HSPA12B: variants seen among roughly 807,000 people sequenced by gnomAD.
HSPA12B encodes heat shock protein family A (Hsp70) member 12B.
A neutral mutation model predicts 69.3 loss-of-function variants in HSPA12B; 54 were observed. That is an observed-to-expected ratio of 0.78 (90% CI 0.63 to 0.98). HSPA12B has a LOEUF of 0.98. HSPA12B is among the 50% of genes least tolerant of loss of function. HSPA12B has a pLI of 0.00. For missense variants in HSPA12B, 929 were observed against 999.8 expected (o/e 0.93, Z 0.96); for synonymous variants, 441 against 436.5 (o/e 1.01, Z -0.13).
rs2088190992 is a variant in HSPA12B at position 3,740,966 on chromosome 20, TC to T, written c.141+55del. 1 of 1,473,522 alleles carries T rather than the reference TC, an allele frequency of 6.8e-7. No individual in the cohort carries two copies. The allele number at this position is 1,473,522 out of a possible 1,614,324, so 91.3% of individuals were successfully genotyped here. A position where few individuals can be genotyped will look rare whatever the true frequency, so the allele number is the denominator to read the frequency against. On this transcript the variant is annotated intron_variant, in intron 3 of 12. Coordinates refer to ENST00000254963, the MANE Select transcript of HSPA12B (RefSeq NM_052970.5). The surrounding 1 kb of genome is among the most constrained non-coding windows in gnomAD (Gnocchi z 4.9). ...GGTGACCTGGCTGGTGTGGACAGGG[TC>T]GTGCGTGGCAAAGTCATGACAGGGC...
chr20:3,740,767 A>G lies in HSPA12B; in HGVS notation c.44-48A>G. The G allele has an allele frequency of 3.9e-6, 6 of 1,552,842 alleles. No individual in the cohort carries two copies. Among genetic ancestry groups the G allele is most frequent in the Non-Finnish European group, 5.3e-6 (6 of 1,132,684 alleles). On this transcript the variant is annotated intron_variant, in intron 2 of 12. Transcript: ENST00000254963. The surrounding 1 kb of genome is among the most constrained non-coding windows in gnomAD (Gnocchi z 4.9). ...GTGCCTGGCTTGGGGCCCCGCTGCCATACCTACCCTGCTTGTGCCAGGATG... is the reference window on the plus strand; with the variant it reads ...GTGCCTGGCTTGGGGCCCCGCTGCCGTACCTACCCTGCTTGTGCCAGGATG...
At position 3,745,543 on chromosome 20, in the gene HSPA12B, C is replaced by G; in HGVS notation, c.504C>G (p.Pro168=). 6.2e-7 allele frequency: 1 copy of G among 1,614,140 alleles called. No individual in the cohort carries two copies. Among genetic ancestry groups the G allele is most frequent in the Non-Finnish European group, 8.5e-7 (1 of 1,180,018 alleles). ...AGGCAGTAAATGGAAAGACGATGCCCGCCCTGGAGGTGTTCGCCCATGCCC... is the reference window on the plus strand; with the variant it reads ...AGGCAGTAAATGGAAAGACGATGCCGGCCCTGGAGGTGTTCGCCCATGCCC... The part of the protein sequence containing the change: ...QLEAVNGKTM[P]ALEVFAHALR... Residue 168 remains proline (P), a synonymous_variant, in exon 6 of 13, where the codon CCC becomes CCG. Coordinates refer to ENST00000254963, the MANE Select transcript of HSPA12B (RefSeq NM_052970.5). The surrounding 1 kb of genome is among the most constrained non-coding windows in gnomAD (Gnocchi z 5.6).
Position 3,749,037 on chromosome 20 carries a change from T to TC in HSPA12B, c.851-191dup, listed in dbSNP as rs2088360090. ...GGAAGGCCCTGTGTCCATAAATATT[T>TC]CCCCACAGCTGTTGGATACAGGGTG... On this transcript the variant is annotated intron_variant, in intron 8 of 12. Coordinates refer to ENST00000254963, the MANE Select transcript of HSPA12B (RefSeq NM_052970.5). This position sits in a 1 kb window ranked among gnomAD's most constrained non-coding sequence, Gnocchi z 5.5. Among the ~76,000 whole-genome samples, 1 of 152,138 alleles carries TC rather than the reference T, an allele frequency of 6.6e-6. No individual in the cohort carries two copies. The highest frequency in any genetic ancestry group is 1.9e-4 in the East Asian group (1 of 5,188).
intron 1 of HSPA12B, among the ~76,000 whole-genome samples, chr20:3,735,146 C>T (rs1192266402): frequency 6.6e-6 from 1 of 152,188 alleles, no homozygotes; most frequent in Non-Finnish European, 1.5e-5. Flanking sequence ...TCAGAATCTG[C>T]ATCATGAAGG....
Position 3,751,986 on chromosome 20 carries a change from C to T in HSPA12B, c.1881C>T (p.Cys627=), listed in dbSNP as rs541760. 0.59 allele frequency: 922,689 copies of T among 1,569,860 alleles called. 272,247 individuals are homozygous for T. The highest frequency in any genetic ancestry group is 0.66 in the Admixed American group (36,798 of 55,924). Reference sequence around the variant, plus strand: ...TCACCGACCCCGGCGTGCGCAAATGCGGCGCGCTCAGCCTCGAGCTTGAGC... The same window carrying T: ...TCACCGACCCCGGCGTGCGCAAATGTGGCGCGCTCAGCCTCGAGCTTGAGC... ...RFITDPGVRK[C]GALSLELEPA... The change falls in exon 13 of 13, where the codon TGC becomes TGT. Residue 627 remains cysteine, a synonymous_variant. Coordinates refer to ENST00000254963, the MANE Select transcript of HSPA12B (RefSeq NM_052970.5).
At chr20:3,736,233 C>T (rs2088106946) in intron 1 of HSPA12B, among the ~76,000 whole-genome samples, 6 of 152,226 alleles carry the variant, frequency 3.9e-5, no homozygotes, top group African/African-American at 1.2e-4. Context: ...ACCCTCCCCT[C>T]CCCCTCTCTG....
In HSPA12B at chr20:3,737,057, AAAATAAAT is replaced by A. The variant is rs11470713; in HGVS notation, c.-17-1559_-17-1552del. Among the ~76,000 whole-genome samples, 3,403 of 146,304 alleles carry A rather than the reference AAAATAAAT, an allele frequency of 0.023. 61 individuals are homozygous for A. Among genetic ancestry groups the A allele is most frequent in the Middle Eastern group, 0.035 (10 of 288 alleles). ...GGGGACAGAGTGAGACTCTGCCTCA[AAAATAAAT>A]AAATAAATAAATAAATAAATAAATA... On this transcript the variant is annotated intron_variant, in intron 1 of 12. Transcript: ENST00000254963. The surrounding 1 kb of genome is among the most constrained non-coding windows in gnomAD (Gnocchi z 4.1).
At chr20:3,746,295 G>T (rs1220501814) in intron 7 of HSPA12B, among the ~76,000 whole-genome samples, 1 of 132,154 alleles carries the variant, frequency 7.6e-6, no homozygotes, top group East Asian at 2.5e-4. Context: ...GCCCAAGATG[G>T]AGAGTCTTTT....
chr20:3,738,803 C>T (rs6116011), intron 2 of HSPA12B, 86 bp downstream of exon 2: 1 of 1,397,658 alleles, frequency 7.2e-7, no homozygotes, highest in Non-Finnish European at 1.0e-6. Context: ...TGCAATGTAC[C>T]TCTCCCACAG....
rs556881154 is a variant in HSPA12B at position 3,744,858 on chromosome 20, A to G, written c.267-44A>G. ...TGCTGTTCCCTCTGCCTGGATTCCC[A>G]CCCAAGAAGGGAGGGTTGCACTGAC... On this transcript the variant is annotated intron_variant, in intron 4 of 12. Transcript: ENST00000254963. The surrounding 1 kb of genome is among the most constrained non-coding windows in gnomAD (Gnocchi z 4.9). 6.3e-7 allele frequency: 1 copy of G among 1,575,152 alleles called. No individual in the cohort carries two copies. Among genetic ancestry groups the G allele is most frequent in the Admixed American group, 1.7e-5 (1 of 57,762 alleles).
In HSPA12B at chr20:3,751,701, C is replaced by T; in HGVS notation, c.1596C>T (p.Gly532=). ...CGGTGCTGTTCGGCCAGGCGCCGGG[C>T]GTGGTGCGGGTCCGCCGCTCGCCGC... ...KGAVLFGQAP[G]VVRVRRSPLT... Residue 532 remains glycine (G), a synonymous_variant, in exon 13 of 13, where the codon GGC becomes GGT. Transcript: ENST00000254963. 1 of 1,483,718 alleles carries T rather than the reference C, an allele frequency of 6.7e-7. No individual in the cohort carries two copies. The highest frequency in any genetic ancestry group is 8.9e-7 in the Non-Finnish European group (1 of 1,120,894). 91.9% of individuals were successfully genotyped at this position (1,483,718 alleles called of 1,614,324 possible).
At position 3,740,841 on chromosome 20, in the gene HSPA12B, C is replaced by A. The variant is rs142216650; in HGVS notation, c.70C>A (p.Pro24Thr). 2 of 1,613,722 alleles carry A rather than the reference C, an allele frequency of 1.2e-6. No individual in the cohort carries two copies. Among genetic ancestry groups the A allele is most frequent in the African/African-American group, 1.3e-5 (1 of 74,920 alleles). Residue 24 changes from proline (P) to threonine (T), a missense_variant, in exon 3 of 13, where the codon CCT (proline) becomes ACT (threonine). Transcript: ENST00000254963. This position sits in a 1 kb window ranked among gnomAD's most constrained non-coding sequence, Gnocchi z 4.9. ...IGSSPERSPV[P>T]SPPGSPRTQE... ...CTCCAGCCCGGAGCGGTCCCCAGTG[C>A]CTAGCCCACCCGGCTCCCCGAGGAC...
At chr20:3,741,565 G>A (rs892673501) in intron 3 of HSPA12B, among the ~76,000 whole-genome samples, 16 of 152,126 alleles carry the variant, frequency 1.1e-4, no homozygotes, top group African/African-American at 1.9e-4. Flanking sequence ...CCTGGGAAGC[G>A]GAGGTTGCAG....
At position 3,744,975 on chromosome 20, in the gene HSPA12B, G is replaced by A. The variant is rs2088269498; in HGVS notation, c.340G>A (p.Ala114Thr). The A allele has an allele frequency of 6.2e-7, 1 of 1,613,798 alleles. No homozygotes were observed. Among genetic ancestry groups the A allele is most frequent in the African/African-American group, 1.3e-5 (1 of 74,936 alleles). ...CTGCCTGCTGCTGACTCCGGAGGGC[G>A]CCTTCCACAGCTTTGGCTACACCGC... ...PTCLLLTPEGAFHSFGYTARD... is the reference protein window; with the variant it reads ...PTCLLLTPEGTFHSFGYTARD... The change falls in exon 5 of 13, where the codon GCC becomes ACC. Residue 114 changes from alanine to threonine, a missense_variant. Coordinates refer to ENST00000254963, the MANE Select transcript of HSPA12B (RefSeq NM_052970.5). This position sits in a 1 kb window ranked among gnomAD's most constrained non-coding sequence, Gnocchi z 4.9.
Position 3,751,876 on chromosome 20 carries a change from C to T in HSPA12B, c.1771C>T (p.Arg591Trp). The T allele has an allele frequency of 6.4e-7, 1 of 1,561,078 alleles. No homozygotes were observed. The highest frequency in any genetic ancestry group is 1.2e-5 in the South Asian group (1 of 86,012). ...EQSVALGEEV[R>W]RSYCPARPGQ... ...GTCGGTGGCCCTGGGCGAGGAGGTGCGGCGCAGCTACTGCCCGGCGCGTCC... is the reference window on the plus strand; with the variant it reads ...GTCGGTGGCCCTGGGCGAGGAGGTGTGGCGCAGCTACTGCCCGGCGCGTCC... Residue 591 changes from arginine to tryptophan, a missense_variant, in exon 13 of 13, where the codon CGG (arginine) becomes TGG (tryptophan). By Grantham distance (101) the Arg-to-Trp change is moderately radical. Coordinates refer to ENST00000254963, the MANE Select transcript of HSPA12B (RefSeq NM_052970.5).
At position 3,744,167 on chromosome 20, in the gene HSPA12B, G is replaced by A. The variant is rs2088256044; in HGVS notation, c.267-735G>A. On this transcript the variant is annotated intron_variant, in intron 4 of 12. Coordinates refer to ENST00000254963, the MANE Select transcript of HSPA12B (RefSeq NM_052970.5). This position sits in a 1 kb window ranked among gnomAD's most constrained non-coding sequence, Gnocchi z 4.9. ...AGGGGCTTCCCAAGGCCTGGAGACT[G>A]GATGGAAGGGTGAATGGAGACATAG... Among the ~76,000 whole-genome samples, 1 of 152,190 alleles carries A rather than the reference G, an allele frequency of 6.6e-6. No homozygotes were observed. The highest frequency in any genetic ancestry group is 1.5e-5 in the Non-Finnish European group (1 of 68,026).
Position 3,752,306 on chromosome 20 carries a change from A to T in HSPA12B, c.*140A>T. 1 of 840,910 alleles carries T rather than the reference A, an allele frequency of 1.2e-6. No homozygotes were observed. The highest frequency in any genetic ancestry group is 1.7e-6 in the Non-Finnish European group (1 of 586,796). The allele number at this position is 840,910 out of a possible 1,614,324, so 52.1% of individuals were successfully genotyped here. On this transcript the variant is annotated 3_prime_UTR_variant, in exon 13 of 13. Coordinates refer to ENST00000254963, the MANE Select transcript of HSPA12B (RefSeq NM_052970.5). ...CACGCCCTCCAGCCCCGGGGGAGAT[A>T]AGGTCATGGGAGAGTGGGTGGGGAC...
chr20:3,746,015 G>A lies in HSPA12B; in HGVS notation c.659G>A (p.Arg220Gln), dbSNP rs759905379. 26 of 1,613,670 alleles carry A rather than the reference G, an allele frequency of 1.6e-5. No individual in the cohort carries two copies. The highest frequency in any genetic ancestry group is 1.6e-4 in the African/African-American group (12 of 74,912). ...AAACAGCCAGCCAAGCAGTTCATGC[G>A]GGAGGCTGCCTACCTGGTGAGGACG... is the stretch of plus-strand genomic sequence containing the variant. Reference protein sequence around the residue: ...IWKQPAKQFMREAAYLAGLVS... With the variant: ...IWKQPAKQFMQEAAYLAGLVS... Residue 220 changes from arginine to glutamine, a missense_variant, in exon 7 of 13, where the codon CGG becomes CAG. Around this residue, in one of 3 missense-constraint regions of HSPA12B, gnomAD observed 477 missense variants for 535.2 expected, o/e 0.89. Transcript: ENST00000254963.
intron 1 of HSPA12B, among the ~76,000 whole-genome samples, chr20:3,734,073 T>C (rs2088071057): frequency 6.6e-6 from 1 of 152,050 alleles, no homozygotes; most frequent in Non-Finnish European, 1.5e-5. Flanking sequence ...GAGGATGAAG[T>C]GGGAGGATCG....
Sources: gnomAD v4.1 joint callset for allele counts (sites outside exome capture counted in the v4.1 genomes callset) on GRCh38, gnomAD v4.1.1 for gene constraint, gnomAD v4.1.1 regional missense constraint, Gnocchi (gnomAD v3.1) non-coding constraint, MANE v1.5 for transcripts, NCBI Gene and HGNC (gene_info 2026-07-23, HGNC 2026-07-21) for gene names.